MKLN1: variants seen among roughly 807,000 people sequenced by gnomAD.
The protein encoded by MKLN1 is muskelin 1, also known as muskelin.
A neutral mutation model predicts 99.0 loss-of-function variants in MKLN1; 18 were observed. The observed-to-expected ratio is 0.18, with a 90% CI of 0.13 to 0.27. The LOEUF is 0.27. MKLN1 is among the 10% of genes least tolerant of loss of function. The pLI is 1.00. For missense variants in MKLN1, 621 were observed against 875.9 expected, an observed-to-expected ratio of 0.71 and a Z score of 3.67; for synonymous variants, 288 against 293.2, an observed-to-expected ratio of 0.98 and a Z score of 0.18.
At chr7:131,412,184 T>A (rs970021794) in intron 7 of MKLN1, among the ~76,000 whole-genome samples, 5 of 152,306 alleles carry the variant, frequency 3.3e-5, no homozygotes, top group African/African-American at 1.2e-4. Context: ...ATTTGTTATA[T>A]TAAAATTTTC....
chr7:131,362,219 C>T lies in MKLN1; in HGVS notation c.99-13205C>T, dbSNP rs527479594. Among the ~76,000 whole-genome samples the T allele has an allele frequency of 2.0e-4, 31 of 151,938 alleles. 1 individual carries two copies. The highest frequency in any genetic ancestry group is 6.5e-4 in the African/African-American group (27 of 41,476). On this transcript the variant is annotated intron_variant, in intron 1 of 17. Transcript: ENST00000352689. ...TGAGAAGTGTCTCTTTAGGTGGTTT[C>T]GTCATTAGTGAACTATGGAGTGTAC...
chr7:131,291,751 G>C (rs959288617), intron 3 of MKLN1, among the ~76,000 whole-genome samples: 2 of 137,884 alleles, frequency 1.5e-5, no homozygotes, highest in African/African-American at 5.4e-5. Flanking sequence ...AGGTGAGTTA[G>C]TTGGAGTAGT....
intron 3 of MKLN1, among the ~76,000 whole-genome samples, chr7:131,262,040 T>C (rs906421296): frequency 6.6e-6 from 1 of 152,196 alleles, no homozygotes; most frequent in South Asian, 2.1e-4. Context: ...TATTGGGTAC[T>C]ATGCGTATTA....
At chr7:131,407,806 A>C (rs1275487765) in intron 6 of MKLN1, among the ~76,000 whole-genome samples, 1 of 151,192 alleles carries the variant, frequency 6.6e-6, no homozygotes, top group South Asian at 2.1e-4. Flanking sequence ...TTCAAAGCCA[A>C]CTCTTTCAAG....
intron 17 of MKLN1, among the ~76,000 whole-genome samples, chr7:131,483,574 A>G (rs565927557): frequency 1.3e-5 from 2 of 152,338 alleles, no homozygotes; most frequent in Admixed American, 1.3e-4. Flanking sequence ...ACTCTAACTC[A>G]TACCTGAACC....
intron 2 of MKLN1, among the ~76,000 whole-genome samples, chr7:131,191,512 C>T (rs1467433531): frequency 6.6e-6 from 1 of 152,070 alleles, no homozygotes; most frequent in Non-Finnish European, 1.5e-5. Flanking sequence ...ATTACTTCCA[C>T]CCTAGCTAGA....
At chr7:131,472,571 TAGAA>T (rs1005406525) in intron 16 of MKLN1, among the ~76,000 whole-genome samples, 4 of 145,816 alleles carry the variant, frequency 2.7e-5, no homozygotes, top group Admixed American at 2.1e-4. Context: ...TAGTAGAAGT[TAGAA>T]AGAAATGTTG....
chr7:131,411,158 GTGATGCATATTTTA>G, intron 6 of MKLN1, 134 bp from the exon 7 acceptor site: 1 of 542,858 alleles, frequency 1.8e-6, no homozygotes, highest in South Asian at 2.7e-5. Context: ...TGAAATTGAA[GTGATGCATATTTTA>G]TGAAAATGTG....
intron 3 of MKLN1, among the ~76,000 whole-genome samples, chr7:131,284,336 G>A (rs149501083): frequency 1.1e-4 from 17 of 152,298 alleles, no homozygotes; most frequent in African/African-American, 3.8e-4. Context: ...TATTTTCATA[G>A]ATTCTGATAG....
chr7:131,385,781 A>G (rs747116972), intron 2 of MKLN1, among the ~76,000 whole-genome samples: 1 of 152,090 alleles, frequency 6.6e-6, no homozygotes, highest in Non-Finnish European at 1.5e-5. Context: ...GACTCTTATC[A>G]GATATATGAT....
At chr7:131,333,598 G>A (rs951145790) in intron 1 of MKLN1, among the ~76,000 whole-genome samples, 2 of 151,636 alleles carry the variant, frequency 1.3e-5, no homozygotes, top group Non-Finnish European at 1.5e-5. Flanking sequence ...GTGCAATGGC[G>A]CAGTCTCGGC....
intron 1 of MKLN1, among the ~76,000 whole-genome samples, chr7:131,341,473 G>A (rs1344377129): frequency 6.6e-6 from 1 of 152,100 alleles, no homozygotes; most frequent in Non-Finnish European, 1.5e-5. Flanking sequence ...TTCCATTTAG[G>A]ATGTTGTTTT....
At chr7:131,341,233 T>A (rs990983926) in intron 1 of MKLN1, among the ~76,000 whole-genome samples, 3 of 152,164 alleles carry the variant, frequency 2.0e-5, no homozygotes, top group Non-Finnish European at 2.9e-5. Context: ...TCTTCTACTT[T>A]AGGGTATTAG....
chr7:131,257,956 CA>C (rs1483116512), intron 3 of MKLN1, among the ~76,000 whole-genome samples: 1 of 151,826 alleles, frequency 6.6e-6, no homozygotes, highest in Non-Finnish European at 1.5e-5. Context: ...CCCATATCTA[CA>C]AAAACATTTT....
chr7:131,246,603 C>T (rs1487265921), intron 3 of MKLN1, among the ~76,000 whole-genome samples: 1 of 150,894 alleles, frequency 6.6e-6, no homozygotes, highest in East Asian at 1.9e-4. Flanking sequence ...CATTACAATA[C>T]TAAGGAAAAT....
intron 2 of MKLN1, among the ~76,000 whole-genome samples, chr7:131,162,591 T>C (rs758509472): frequency 3.9e-5 from 6 of 152,250 alleles, no homozygotes; most frequent in Non-Finnish European, 8.8e-5. Context: ...ATGTGTATAA[T>C]ATGTATATGA....
At chr7:131,485,780 A>G (rs150294116) in intron 17 of MKLN1, among the ~76,000 whole-genome samples, 3 of 152,192 alleles carry the variant, frequency 2.0e-5, no homozygotes, top group Non-Finnish European at 2.9e-5. Context: ...GTACTCTTCA[A>G]AAATATTCAT....
intron 2 of MKLN1, among the ~76,000 whole-genome samples, chr7:131,145,449 G>A (rs1414767060): frequency 1.3e-5 from 2 of 152,018 alleles, no homozygotes; most frequent in East Asian, 1.9e-4. Context: ...GTTCGAGAGG[G>A]GAACTAGTTC....
chr7:131,237,578 A>T (rs1010860769), intron 3 of MKLN1, among the ~76,000 whole-genome samples: 1 of 152,186 alleles, frequency 6.6e-6, no homozygotes, highest in African/African-American at 2.4e-5. Context: ...CAATAAAAAT[A>T]TTAGGCTGTA....
Sources: allele counts gnomAD v4.1 joint callset (sites outside exome capture counted in the v4.1 genomes callset), GRCh38; gene constraint gnomAD v4.1.1; transcripts MANE v1.5; gene names NCBI Gene and HGNC (gene_info 2026-07-23, HGNC 2026-07-21).